Variants in ADAMTSL3 observed in about 807,000 individuals in gnomAD.
ADAMTSL3 encodes ADAMTS like 3.
A neutral mutation model predicts 201.7 loss-of-function variants in ADAMTSL3; 128 were observed. That is an observed-to-expected ratio of 0.63 (90% CI 0.55 to 0.73). ADAMTSL3 has a LOEUF of 0.73. ADAMTSL3 is among the 30% of genes least tolerant of loss of function. The probability of loss-of-function intolerance (pLI) is 0.00; values close to 1 mark genes in which losing one functional copy is unlikely to be tolerated. For synonymous variants in ADAMTSL3, 738 were observed against 748.4 expected (o/e 0.99, Z 0.23); for missense variants, 1,990 against 2,119.6 (o/e 0.94, Z 1.20).
chr15:83,802,312 T>C (rs913576670), intron 4 of ADAMTSL3, among the ~76,000 whole-genome samples: 2 of 152,154 alleles, frequency 1.3e-5, no homozygotes, highest in Non-Finnish European at 2.9e-5. Flanking sequence ...TACCGAATAA[T>C]TTTTATATTA....
chr15:83,922,370 C>A (rs2066163831), intron 16 of ADAMTSL3, among the ~76,000 whole-genome samples: 1 of 152,046 alleles, frequency 6.6e-6, no homozygotes, highest in Non-Finnish European at 1.5e-5. Context: ...TATAATGGGG[C>A]TTTAAGGCCC....
chr15:83,695,336 G>A (rs367572376), intron 2 of ADAMTSL3, among the ~76,000 whole-genome samples: 17 of 95,832 alleles, frequency 1.8e-4, no homozygotes, highest in African/African-American at 6.6e-4. Context: ...TGCATGTTTT[G>A]TGGCAGAAGG....
At chr15:83,796,816 G>T (rs967000695) in intron 4 of ADAMTSL3, among the ~76,000 whole-genome samples, 6 of 152,142 alleles carry the variant, frequency 3.9e-5, no homozygotes, top group African/African-American at 1.4e-4. Flanking sequence ...AGGAAAGAGG[G>T]ATAGTCAATA....
intron 4 of ADAMTSL3, among the ~76,000 whole-genome samples, chr15:83,781,271 C>G (rs2063163675): frequency 1.3e-5 from 2 of 152,098 alleles, no homozygotes; most frequent in South Asian, 4.1e-4. Flanking sequence ...GACACATAGA[C>G]TAATGGAACA....
intron 3 of ADAMTSL3, among the ~76,000 whole-genome samples, chr15:83,739,039 T>C (rs1043416712): frequency 6.6e-6 from 1 of 150,440 alleles, no homozygotes. Flanking sequence ...AAAAATGTGG[T>C]CAAAGGAAAA....
In ADAMTSL3 at chr15:83,902,890, A is replaced by G. The variant is rs189600031; in HGVS notation, c.1700+3159A>G. ...TCATAGGAAATTGCAAACCTATTTA[A>G]AAGAGGAGAAAACAGTGTAATGAAC... is the stretch of plus-strand genomic sequence containing the variant. On this transcript the variant is annotated intron_variant, in intron 15 of 29. Transcript: ENST00000286744. Among the ~76,000 whole-genome samples, 336 of 152,214 alleles carry G rather than the reference A, an allele frequency of 2.2e-3. 6 individuals carry two copies. The highest frequency in any genetic ancestry group is 5.4e-4 in the Non-Finnish European group (37 of 67,996).
chr15:83,907,918 C>T (rs1161485267), intron 15 of ADAMTSL3, among the ~76,000 whole-genome samples: 6 of 152,058 alleles, frequency 3.9e-5, no homozygotes, highest in African/African-American at 9.7e-5. Flanking sequence ...CTGGATCAAA[C>T]GGCAGTTTTA....
At chr15:83,912,023 G>A (rs556970664) in intron 15 of ADAMTSL3, among the ~76,000 whole-genome samples, 5 of 152,064 alleles carry the variant, frequency 3.3e-5, no homozygotes, top group African/African-American at 1.2e-4. Context: ...GAACATTATC[G>A]AGCCCTGAGT....
intron 4 of ADAMTSL3, among the ~76,000 whole-genome samples, chr15:83,783,613 A>G (rs975374709): frequency 1.2e-4 from 18 of 152,178 alleles, no homozygotes; most frequent in Admixed American, 1.0e-3. Flanking sequence ...AATATCAGAC[A>G]AAGTAGAATT....
chr15:83,718,168 A>C (rs1198321594), intron 3 of ADAMTSL3, among the ~76,000 whole-genome samples: 2 of 152,202 alleles, frequency 1.3e-5, no homozygotes, highest in Admixed American at 6.6e-5. Context: ...AACAATGAGC[A>C]AATGGCCAAC....
chr15:83,970,760 C>G, intron 20 of ADAMTSL3, 123 bp downstream of exon 20: 1 of 1,264,968 alleles, frequency 7.9e-7, no homozygotes, highest in African/African-American at 1.5e-5. Context: ...AAGCTGTACT[C>G]AGTGTTGTTT....
At chr15:83,856,057 TG>T (rs2064724541) in intron 7 of ADAMTSL3, among the ~76,000 whole-genome samples, 1 of 148,536 alleles carries the variant, frequency 6.7e-6, no homozygotes, top group Admixed American at 6.8e-5. Context: ...CAAAGCATGA[TG>T]AATGCATTAA....
intron 2 of ADAMTSL3, among the ~76,000 whole-genome samples, chr15:83,696,149 A>G (rs1177814402): frequency 6.6e-6 from 1 of 152,118 alleles, no homozygotes; most frequent in African/African-American, 2.4e-5. Flanking sequence ...ACGCTTCCTG[A>G]CTCATGGAAT....
chr15:83,933,361 G>A (rs1170166435), intron 17 of ADAMTSL3, among the ~76,000 whole-genome samples: 1 of 152,182 alleles, frequency 6.6e-6, no homozygotes, highest in Non-Finnish European at 1.5e-5. Context: ...ACCAGAGGGG[G>A]TGATATAGGA....
At position 83,870,866 on chromosome 15, in the gene ADAMTSL3, T is replaced by C; in HGVS notation, c.867T>C (p.Phe289=). The change falls in exon 9 of 30, where the codon TTT becomes TTC. Residue 289 remains phenylalanine (F), a synonymous_variant. Transcript: ENST00000286744. ...ACAGCTTTAACAGCCCCGGCGTCTTTCTCGTAGAAAACACAACAGTGGAAT... is the reference window on the plus strand; with the variant it reads ...ACAGCTTTAACAGCCCCGGCGTCTTCCTCGTAGAAAACACAACAGTGGAAT... ...GEHSFNSPGV[F]LVENTTVEFQ... is the part of the protein sequence containing the mutation. The C allele has an allele frequency of 1.9e-6, 3 of 1,613,558 alleles. No individual in the cohort carries two copies. Among genetic ancestry groups the C allele is most frequent in the Non-Finnish European group, 2.5e-6 (3 of 1,179,784 alleles).
chr15:83,759,043 T>C (rs2141697323), intron 3 of ADAMTSL3, among the ~76,000 whole-genome samples: 1 of 152,298 alleles, frequency 6.6e-6, no homozygotes, highest in Admixed American at 6.5e-5. Context: ...GGCAGACCTT[T>C]CCCCTTGCAG....
chr15:83,948,502 T>C (rs187220287), intron 19 of ADAMTSL3, among the ~76,000 whole-genome samples: 8 of 151,696 alleles, frequency 5.3e-5, no homozygotes, highest in Non-Finnish European at 1.2e-4. Flanking sequence ...GGAAGTGCCC[T>C]CAAGAAGCTC....
At chr15:83,879,233 GT>G (rs1207774406) in intron 9 of ADAMTSL3, among the ~76,000 whole-genome samples, 1 of 151,920 alleles carries the variant, frequency 6.6e-6, no homozygotes, top group Non-Finnish European at 1.5e-5. Context: ...TTTTACTCTA[GT>G]TTTCTTTCCA....
chr15:83,812,494 G>A (rs950220130), intron 5 of ADAMTSL3, among the ~76,000 whole-genome samples: 3 of 152,178 alleles, frequency 2.0e-5, no homozygotes, highest in Non-Finnish European at 2.9e-5. Flanking sequence ...TTCCAGGACC[G>A]TAAAAGCCCT....
Sources: gnomAD v4.1 joint callset for allele counts (sites outside exome capture counted in the v4.1 genomes callset) on GRCh38, gnomAD v4.1.1 for gene constraint, MANE v1.5 for transcripts, NCBI Gene and HGNC (gene_info 2026-07-23, HGNC 2026-07-21) for gene names.